MYRIP: variants seen among roughly 807,000 people sequenced by gnomAD.
The protein encoded by MYRIP is rab effector MyRIP.
A neutral mutation model predicts 98.0 loss-of-function variants in MYRIP; 49 were observed. The ratio of observed to expected loss-of-function variants is 0.50; its 90% CI spans 0.40 to 0.63. The LOEUF is 0.63. MYRIP is among the 30% of genes least tolerant of loss of function. The probability of loss-of-function intolerance (pLI) is 0.00; values close to 1 mark genes in which losing one functional copy is unlikely to be tolerated. For missense variants in MYRIP, 1,004 were observed against 1,058.2 expected (o/e 0.95, Z 0.71); for synonymous variants, 404 against 409.5 (o/e 0.99, Z 0.16).
At chr3:40,162,833 A>G in intron 5 of MYRIP, 23 bp downstream of exon 5, 3 of 1,603,588 alleles carry the variant, frequency 1.9e-6, no homozygotes, top group Non-Finnish European at 2.6e-6. Context: ...AAGAGTTTAC[A>G]GCTACTGGGA....
At chr3:40,158,651 C>G (rs955793416) in intron 4 of MYRIP, among the ~76,000 whole-genome samples, 1 of 152,050 alleles carries the variant, frequency 6.6e-6, no homozygotes, top group African/African-American at 2.4e-5. Context: ...GTAGGTCACT[C>G]AGGACTTGCT....
At chr3:39,985,640 C>G (rs1489698805) in intron 2 of MYRIP, among the ~76,000 whole-genome samples, 2 of 144,532 alleles carry the variant, frequency 1.4e-5, no homozygotes, top group African/African-American at 5.4e-5. Flanking sequence ...ACAGAGCCCT[C>G]AGAAATAACG....
chr3:40,204,160 A>ATAATTAT (rs1409211491), intron 10 of MYRIP, among the ~76,000 whole-genome samples: 722 of 22,626 alleles, frequency 0.032, 62 homozygotes, highest in Non-Finnish European at 0.062. Context: ...ATAAATATAT[A>ATAATTAT]ATATAATATT....
At chr3:40,129,091 A>G (rs1188804103) in intron 3 of MYRIP, among the ~76,000 whole-genome samples, 1 of 152,092 alleles carries the variant, frequency 6.6e-6, no homozygotes, top group South Asian at 2.1e-4. Context: ...AAACAAGTTA[A>G]CTACTCTGTC....
chr3:39,912,054 T>TGAG (rs10622572), intron 2 of MYRIP, among the ~76,000 whole-genome samples: 66,855 of 151,808 alleles, frequency 0.44, 14,945 homozygotes, highest in East Asian at 0.53. Flanking sequence ...GAAACCAGGT[T>TGAG]GCCTTAAATT....
intron 15 of MYRIP, 113 bp from the exon 16 acceptor site, chr3:40,251,768 T>G: frequency 1.8e-5 from 13 of 708,300 alleles, no homozygotes; most frequent in East Asian, 5.0e-5. Flanking sequence ...AGTACAGGAA[T>G]GAGATTCCAA....
intron 3 of MYRIP, 53 bp from the exon 4 acceptor site, chr3:40,150,995 A>AGC: frequency 6.8e-7 from 1 of 1,460,084 alleles, no homozygotes; most frequent in East Asian, 2.5e-5. Context: ...GCAGTTTTGC[A>AGC]ATTCACCATT....
At chr3:40,198,103 T>C (rs1400026983) in intron 10 of MYRIP, among the ~76,000 whole-genome samples, 1 of 152,214 alleles carries the variant, frequency 6.6e-6, no homozygotes, top group Non-Finnish European at 1.5e-5. Context: ...GCTTACGCTT[T>C]ATCACTACAC....
At chr3:40,158,226 T>C (rs1325438799) in intron 4 of MYRIP, among the ~76,000 whole-genome samples, 1 of 152,220 alleles carries the variant, frequency 6.6e-6, no homozygotes, top group Non-Finnish European at 1.5e-5. Context: ...AAAGAACATA[T>C]TTATTTCTGC....
intron 1 of MYRIP, among the ~76,000 whole-genome samples, chr3:39,872,551 T>C (rs185076171): frequency 0.022 from 3,147 of 144,920 alleles, 98 homozygotes; most frequent in African/African-American, 0.073. Context: ...TGTGTTCTCA[T>C]TGTTCAATTC....
At chr3:39,915,493 A>G (rs2125684872) in intron 2 of MYRIP, among the ~76,000 whole-genome samples, 1 of 152,184 alleles carries the variant, frequency 6.6e-6, no homozygotes, top group South Asian at 2.1e-4. Flanking sequence ...ATATACTAAT[A>G]AAAAATTATT....
At chr3:39,879,020 C>T (rs1041800955) in intron 1 of MYRIP, among the ~76,000 whole-genome samples, 8 of 151,508 alleles carry the variant, frequency 5.3e-5, no homozygotes, top group Non-Finnish European at 1.0e-4. Flanking sequence ...GAGCCAAGAT[C>T]GCACCACTGC....
At chr3:40,070,132 C>G (rs1948196002) in intron 3 of MYRIP, among the ~76,000 whole-genome samples, 1 of 152,090 alleles carries the variant, frequency 6.6e-6, no homozygotes, top group Admixed American at 6.6e-5. Flanking sequence ...CCTTAATGCC[C>G]AAAACAGAAC....
At chr3:39,819,625 T>C (rs900215605) in intron 1 of MYRIP, among the ~76,000 whole-genome samples, 11 of 152,196 alleles carry the variant, frequency 7.2e-5, no homozygotes, top group Non-Finnish European at 1.3e-4. Flanking sequence ...AACACCCTAA[T>C]GTGAATGAAT....
At position 39,829,299 on chromosome 3, in the gene MYRIP, G is replaced by A. The variant is rs575543717; in HGVS notation, c.-31+19383G>A. 2.6e-5 allele frequency among the ~76,000 whole-genome samples: 4 copies of A among 152,236 alleles called. No homozygotes were observed. In the South Asian group the frequency reaches 8.3e-4, roughly 32 times the overall value. On this transcript the variant is annotated intron_variant, in intron 1 of 16. Transcript: ENST00000302541. ...GTGTCATGTTTTCTTGCATTTTTAT[G>A]TTTGATGTGTCCTTAGGTTGATGCC...
intron 2 of MYRIP, among the ~76,000 whole-genome samples, chr3:39,954,604 G>A (rs1945109083): frequency 6.6e-6 from 1 of 152,158 alleles, no homozygotes; most frequent in African/African-American, 2.4e-5. Flanking sequence ...AAAAATCAGA[G>A]CACCTCTTCT....
chr3:40,222,509 A>T (rs1312851930), intron 11 of MYRIP, among the ~76,000 whole-genome samples: 1 of 152,094 alleles, frequency 6.6e-6, no homozygotes, highest in Non-Finnish European at 1.5e-5. Context: ...TCATGTCAGG[A>T]AGGTGAGGAG....
intron 12 of MYRIP, among the ~76,000 whole-genome samples, chr3:40,240,134 A>C (rs71331116): frequency 0.13 from 18,663 of 146,758 alleles, 2,483 homozygotes; most frequent in African/African-American, 0.35. Context: ...ATGGCTAGCC[A>C]GTTTTCCCAG....
rs991450267 is a variant in MYRIP, at chr3:40,044,095, C to A, written c.156C>A (p.Ile52=). The A allele has an allele frequency of 7.4e-6, 12 of 1,614,008 alleles. No individual in the cohort carries two copies. The highest frequency in any genetic ancestry group is 1.0e-5 in the Non-Finnish European group (12 of 1,180,020). Residue 52 remains isoleucine, a synonymous_variant, in exon 3 of 17, where the codon ATC becomes ATA. Transcript: ENST00000302541. ...KLDEEGSKCS[I]LSKHQQFVEH... ...ATGAGGAAGGCAGCAAGTGCAGCATCCTCTCGAAGCACCAGCAGTTTGTGG... is the reference window on the plus strand; with the variant it reads ...ATGAGGAAGGCAGCAAGTGCAGCATACTCTCGAAGCACCAGCAGTTTGTGG...
Sources: gnomAD v4.1 joint callset for allele counts (sites outside exome capture counted in the v4.1 genomes callset) on GRCh38, gnomAD v4.1.1 for gene constraint, MANE v1.5 for transcripts, NCBI Gene and HGNC (gene_info 2026-07-23, HGNC 2026-07-21) for gene names.